RUNX1: variants seen among roughly 807,000 people sequenced by gnomAD.
RUNX1 encodes runt-related transcription factor 1.
A neutral mutation model predicts 42.8 loss-of-function variants in RUNX1; 19 were observed. That is an observed-to-expected ratio of 0.44 (90% CI 0.31 to 0.65). The LOEUF (loss-of-function observed/expected upper bound fraction) is 0.65. Among genes scored for constraint, RUNX1 ranks in the 30% least tolerant of loss-of-function variants. RUNX1 has a pLI of 0.07. For missense variants in RUNX1, 528 were observed against 672.0 expected, an observed-to-expected ratio of 0.79 and a Z score of 2.37; for synonymous variants, 271 against 289.4, an observed-to-expected ratio of 0.94 and a Z score of 0.64.
At chr21:34,831,694 G>A (rs541432661) in intron 7 of RUNX1, among the ~76,000 whole-genome samples, 85 of 152,336 alleles carry the variant, frequency 5.6e-4, no homozygotes, top group Non-Finnish European at 1.1e-3. Context: ...AGAAACACAT[G>A]CTGTATTTCT....
intron 6 of RUNX1, among the ~76,000 whole-genome samples, chr21:34,848,348 A>T (rs2057346361): frequency 6.6e-6 from 1 of 152,244 alleles, no homozygotes; most frequent in Admixed American, 6.5e-5. Flanking sequence ...CATGCAGTCC[A>T]TTCTACAGAT....
intron 5 of RUNX1, among the ~76,000 whole-genome samples, chr21:34,865,194 C>CAAAG (rs1193369362): frequency 6.6e-6 from 1 of 151,932 alleles, no homozygotes; most frequent in Non-Finnish European, 1.5e-5. Context: ...GGTGATTCCA[C>CAAAG]AAAGACCAGA....
chr21:34,875,119 A>C (rs964176830), intron 5 of RUNX1, among the ~76,000 whole-genome samples: 1 of 152,262 alleles, frequency 6.6e-6, no homozygotes, highest in Non-Finnish European at 1.5e-5. Context: ...CAGCAAGAAA[A>C]CTATGAAGGG....
rs1014918053 is a variant in RUNX1, at chr21:34,791,868, G to T, written c.*267C>A. On this transcript the variant is annotated 3_prime_UTR_variant, in exon 9 of 9. Coordinates refer to ENST00000675419, the MANE Select transcript of RUNX1 (RefSeq NM_001754.5). ...TCCAGCGCGTCCCCTGGGTGCTGGG[G>T]CCGGCGGACACCCTCGAGGTGCGTC... 15 of 257,014 alleles carry T rather than the reference G, an allele frequency of 5.8e-5. No homozygotes were observed. The highest frequency in any genetic ancestry group is 2.6e-4 in the South Asian group (2 of 7,810). 15.9% of individuals were successfully genotyped at this position (257,014 alleles called of 1,614,324 possible).
chr21:34,912,456 C>G (rs2058279941), intron 2 of RUNX1, among the ~76,000 whole-genome samples: 1 of 152,024 alleles, frequency 6.6e-6, no homozygotes, highest in Non-Finnish European at 1.5e-5. Context: ...GTGGCAACCA[C>G]AACTGGCCAG....
chr21:34,934,860 G>A (rs1281266914), intron 2 of RUNX1, among the ~76,000 whole-genome samples: 3 of 152,078 alleles, frequency 2.0e-5, no homozygotes, highest in African/African-American at 7.2e-5. Flanking sequence ...TGATCCAGGA[G>A]GCTTCATAGG....
intron 2 of RUNX1, among the ~76,000 whole-genome samples, chr21:34,963,069 A>G (rs1266345834): frequency 6.6e-6 from 1 of 152,220 alleles, no homozygotes; most frequent in Non-Finnish European, 1.5e-5. Context: ...CTGTTAACAG[A>G]GCACAGGTTA....
rs959614144 is a variant in RUNX1 at position 34,909,268 on chromosome 21, G to A, written c.59-16305C>T. ...TTCTTGCTTCGCTTGCCTTTGATAT[G>A]GTGATCTCTGGAACTGAGTATCAAA... is the stretch of plus-strand genomic sequence containing the variant. On this transcript the variant is annotated intron_variant, in intron 2 of 8. Coordinates refer to ENST00000675419, the MANE Select transcript of RUNX1 (RefSeq NM_001754.5). Among the ~76,000 whole-genome samples the A allele has an allele frequency of 4.6e-5, 7 of 152,008 alleles. No individual in the cohort carries two copies. The East Asian group carries it at 1.4e-3, about 29-fold the overall frequency.
intron 2 of RUNX1, among the ~76,000 whole-genome samples, chr21:34,985,751 A>T (rs1379933556): frequency 2.6e-5 from 4 of 151,550 alleles, no homozygotes; most frequent in Non-Finnish European, 5.9e-5. Context: ...ATCCTATATT[A>T]TATTATTATA....
At chr21:34,845,910 G>A (rs1012107620) in intron 6 of RUNX1, among the ~76,000 whole-genome samples, 2 of 152,170 alleles carry the variant, frequency 1.3e-5, no homozygotes, top group African/African-American at 4.8e-5. Flanking sequence ...GAGTCAAACA[G>A]TATTAACTTT....
chr21:34,888,728 A>G, intron 3 of RUNX1: 1 of 1,017,848 alleles, frequency 9.8e-7, no homozygotes, highest in African/African-American at 1.7e-5. Context: ...TTTTACTGTA[A>G]GCCCGGCCGG....
chr21:35,047,892 T>C (rs2059412194), intron 2 of RUNX1, among the ~76,000 whole-genome samples: 1 of 152,134 alleles, frequency 6.6e-6, no homozygotes, highest in African/African-American at 2.4e-5. Flanking sequence ...CTTTGAGACA[T>C]TTTATGTTAT....
intron 5 of RUNX1, among the ~76,000 whole-genome samples, chr21:34,866,906 T>C (rs546268156): frequency 2.1e-4 from 32 of 152,342 alleles, no homozygotes; most frequent in Non-Finnish European, 2.8e-4. Context: ...GTCCTTAGAA[T>C]ATAGAACTCA....
At chr21:34,970,335 G>C (rs991543117) in intron 2 of RUNX1, among the ~76,000 whole-genome samples, 4 of 152,190 alleles carry the variant, frequency 2.6e-5, no homozygotes, top group Non-Finnish European at 4.4e-5. Context: ...CACCATTAAG[G>C]GTGGCGAAAT....
intron 7 of RUNX1, chr21:34,821,311 A>C (rs2056904564): frequency 8.9e-7 from 1 of 1,121,308 alleles, no homozygotes; most frequent in African/African-American, 1.6e-5. Context: ...CCATTTATTA[A>C]GTATTGAAAG....
In RUNX1 at chr21:34,821,444, T is replaced by C. The variant is rs1375024971; in HGVS notation, c.805+12966A>G. On this transcript the variant is annotated intron_variant, in intron 7 of 8. Coordinates refer to ENST00000675419, the MANE Select transcript of RUNX1 (RefSeq NM_001754.5). The stretch of plus-strand genomic sequence containing the variant: ...CAAGTGATTTCTGCAGGCTAACTCA[T>C]TTAATCCTCACAATTGTCCCATGTG... 5 of 1,362,810 alleles carry C rather than the reference T, an allele frequency of 3.7e-6. No homozygotes were observed. In the African/African-American group the frequency reaches 4.3e-5, roughly 12 times the overall value. The allele number at this position is 1,362,810 out of a possible 1,614,324, so 84.4% of individuals were successfully genotyped here. A position where few individuals can be genotyped will look rare whatever the true frequency, so the allele number is the denominator to read the frequency against.
Position 34,901,890 on chromosome 21 carries a change from T to C in RUNX1, c.59-8927A>G, listed in dbSNP as rs35791004. On this transcript the variant is annotated intron_variant, in intron 2 of 8. Coordinates refer to ENST00000675419, the MANE Select transcript of RUNX1 (RefSeq NM_001754.5). The surrounding 1 kb of genome is among the most constrained non-coding windows in gnomAD (Gnocchi z 4.3). ...GGCGAATGTCACACTAGTAAGATTT[T>C]CTGGTGGATGATAGATGCAGAGTCT... Among the ~76,000 whole-genome samples, 42,162 of 152,120 alleles carry C rather than the reference T, an allele frequency of 0.28. 6,564 individuals carry two copies. Among genetic ancestry groups the C allele is most frequent in the African/African-American group, 0.41 (16,999 of 41,472 alleles).
chr21:35,021,634 T>G (rs942608811), intron 2 of RUNX1, among the ~76,000 whole-genome samples: 1 of 152,180 alleles, frequency 6.6e-6, no homozygotes, highest in Non-Finnish European at 1.5e-5. Flanking sequence ...TAGAGTTGAG[T>G]TGGAGAAAGA....
intron 2 of RUNX1, among the ~76,000 whole-genome samples, chr21:34,984,003 C>T (rs2058866488): frequency 6.6e-6 from 1 of 152,104 alleles, no homozygotes; most frequent in Non-Finnish European, 1.5e-5. Context: ...CTCAGAGGGG[C>T]ATCCCCAGTG....
Sources: allele counts gnomAD v4.1 joint callset (sites outside exome capture counted in the v4.1 genomes callset), GRCh38; gene constraint gnomAD v4.1.1; non-coding constraint Gnocchi (gnomAD v3.1); transcripts MANE v1.5; gene names NCBI Gene and HGNC (gene_info 2026-07-23, HGNC 2026-07-21).